NCBP3: variants seen among roughly 807,000 people sequenced by gnomAD.
The protein encoded by NCBP3 is nuclear cap-binding protein subunit 3.
A neutral mutation model predicts 75.7 loss-of-function variants in NCBP3; 20 were observed. The observed-to-expected ratio is 0.26, with a 90% CI of 0.19 to 0.38. The LOEUF is 0.38. NCBP3 is among the 10% of genes least tolerant of loss of function. The pLI is 1.00. For missense variants in NCBP3, 678 were observed against 796.9 expected, an observed-to-expected ratio of 0.85 and a Z score of 1.80; for synonymous variants, 293 against 290.5, an observed-to-expected ratio of 1.01 and a Z score of -0.09.
chr17:3,821,023 G>A (rs1348513317), intron 9 of NCBP3, among the ~76,000 whole-genome samples: 1 of 151,930 alleles, frequency 6.6e-6, no homozygotes, highest in Admixed American at 6.6e-5. Context: ...TTTTTCCTAT[G>A]TCATATTTTG....
chr17:3,836,789 T>C (rs556562876), intron 3 of NCBP3, among the ~76,000 whole-genome samples: 14 of 152,172 alleles, frequency 9.2e-5, no homozygotes, highest in Admixed American at 6.6e-4. Flanking sequence ...TCCAGGTAAC[T>C]AGGCTTCAGA....
chr17:3,807,311 T>G lies in NCBP3; in HGVS notation c.*5733A>C, dbSNP rs557652266. 1 of 152,238 alleles carries G rather than the reference T, an allele frequency of 6.6e-6. No individual in the cohort carries two copies. The highest frequency in any genetic ancestry group is 2.4e-5 in the African/African-American group (1 of 41,472). 9.4% of individuals were successfully genotyped at this position (152,238 alleles called of 1,614,324 possible). ...AAAATATTTTGGACCATCTGCATGA[T>G]TCCCTAGCAAATGCTTTAGAGAGCT... On this transcript the variant is annotated 3_prime_UTR_variant, in exon 13 of 13. Coordinates refer to ENST00000389005, the MANE Select transcript of NCBP3 (RefSeq NM_001114118.3).
chr17:3,840,004 T>A, intron 3 of NCBP3, 96 bp downstream of exon 3: 1 of 874,036 alleles, frequency 1.1e-6, no homozygotes, highest in South Asian at 1.5e-5. Flanking sequence ...GGATAAGGAG[T>A]GGACACGCAA....
rs143121473 is a variant in NCBP3 at position 3,840,461 on chromosome 17, G to C, written c.250-256C>G. ...GCCTGGGACATAGTAGGAACTCAGTGAGTATCTGCTGACTGAATGAATAGT... is the reference window on the plus strand; with the variant it reads ...GCCTGGGACATAGTAGGAACTCAGTCAGTATCTGCTGACTGAATGAATAGT... On this transcript the variant is annotated intron_variant, in intron 2 of 12. Coordinates refer to ENST00000389005, the MANE Select transcript of NCBP3 (RefSeq NM_001114118.3). Among the ~76,000 whole-genome samples, 124 of 152,328 alleles carry C rather than the reference G, an allele frequency of 8.1e-4. 1 individual carries two copies. The highest frequency in any genetic ancestry group is 2.6e-3 in the African/African-American group (108 of 41,566).
intron 10 of NCBP3, among the ~76,000 whole-genome samples, chr17:3,817,703 T>C (rs949000212): frequency 1.3e-5 from 2 of 152,164 alleles, no homozygotes; most frequent in South Asian, 2.1e-4. Flanking sequence ...TTTAAACACA[T>C]ATTGTTTTGT....
intron 3 of NCBP3, among the ~76,000 whole-genome samples, chr17:3,830,654 C>G (rs954826176): frequency 6.6e-6 from 1 of 152,210 alleles, no homozygotes; most frequent in Non-Finnish European, 1.5e-5. Context: ...GTGGCACGAT[C>G]TCGGCTCACT....
Position 3,818,501 on chromosome 17 carries a change from C to T in NCBP3, c.1072G>A (p.Glu358Lys), listed in dbSNP as rs775155186. 7.1e-5 allele frequency: 114 copies of T among 1,612,362 alleles called. No individual in the cohort carries two copies. Among genetic ancestry groups the T allele is most frequent in the Admixed American group, 1.2e-4 (7 of 59,942 alleles). Residue 358 changes from glutamate (E) to lysine (K), a missense_variant, in exon 10 of 13, where the codon GAA (glutamate) becomes AAA (lysine). By Grantham distance (56) the Glu-to-Lys change is moderately conservative (BLOSUM62 1). Transcript: ENST00000389005. This position sits in a 1 kb window ranked among gnomAD's most constrained non-coding sequence, Gnocchi z 4.7. ...TCTGCATCCATGTCCTGGTCTTCTT[C>T]TTCCTCTTCCTCTTCCTCCTCCTCC... ...EEEEEEEEEE[E>K]EDQDMDADDR...
chr17:3,846,077 G>C lies in NCBP3; in HGVS notation c.147C>G (p.Ile49Met), dbSNP rs530526692. Residue 49 changes from isoleucine (I) to methionine (M), a missense_variant, in exon 1 of 13, where the codon ATC becomes ATG. Transcript: ENST00000389005. This position sits in a 1 kb window ranked among gnomAD's most constrained non-coding sequence, Gnocchi z 4.6. ...PMEVEEGELE[I>M]VPVRRSLKEL... ...CCTTGAGCGAGCGCCGCACAGGCAC[G>C]ATTTCCAGCTCGCCCTCCTCCACCT... The C allele has an allele frequency of 3.3e-4, 504 of 1,549,154 alleles. 8 individuals carry two copies. In the South Asian group the frequency reaches 5.2e-3, roughly 16 times the overall value.
At chr17:3,823,341 C>T (rs897859633) in intron 7 of NCBP3, among the ~76,000 whole-genome samples, 4 of 152,066 alleles carry the variant, frequency 2.6e-5, no homozygotes, top group Non-Finnish European at 5.9e-5. Context: ...AACACTCCGT[C>T]TCAAAACAAA....
At position 3,812,965 on chromosome 17, in the gene NCBP3, C is replaced by CG; in HGVS notation, c.*78dup. ...AGGAGCGAGAGGGCGCCAGCTCCTG[C>CG]GGGGGAGGTTCCTACTGCGCGCCCC... On this transcript the variant is annotated 3_prime_UTR_variant, in exon 13 of 13. Coordinates refer to ENST00000389005, the MANE Select transcript of NCBP3 (RefSeq NM_001114118.3). The CG allele has an allele frequency of 6.3e-7, 1 of 1,579,972 alleles. No individual in the cohort carries two copies. Among genetic ancestry groups the CG allele is most frequent in the East Asian group, 2.2e-5 (1 of 44,510 alleles).
intron 10 of NCBP3, among the ~76,000 whole-genome samples, chr17:3,816,959 G>A (rs967635936): frequency 8.5e-5 from 13 of 152,050 alleles, no homozygotes; most frequent in Non-Finnish European, 1.2e-4. Context: ...CCCAGAAGGC[G>A]GAGCTTGCAG....
At chr17:3,814,734 T>C (rs1359969956) in intron 11 of NCBP3, among the ~76,000 whole-genome samples, 1 of 152,156 alleles carries the variant, frequency 6.6e-6, no homozygotes, top group Non-Finnish European at 1.5e-5. Flanking sequence ...ACAACCTTTT[T>C]TTTTTTTTCT....
intron 6 of NCBP3, 139 bp downstream of exon 6, chr17:3,825,628 C>T: frequency 1.6e-6 from 1 of 620,330 alleles, no homozygotes; most frequent in South Asian, 2.0e-5. Flanking sequence ...ACTTAAAGGA[C>T]AAGAGCCTGG....
At chr17:3,833,231 C>A (rs1002082878) in intron 3 of NCBP3, among the ~76,000 whole-genome samples, 6 of 152,124 alleles carry the variant, frequency 3.9e-5, no homozygotes, top group African/African-American at 1.4e-4. Flanking sequence ...CCAGCCTGGG[C>A]AACAGAGTAA....
At chr17:3,822,276 G>A (rs933340560) in intron 7 of NCBP3, 13 of 418,122 alleles carry the variant, frequency 3.1e-5, no homozygotes, top group Admixed American at 3.0e-4. Flanking sequence ...ACTGCTGTTT[G>A]GAGCCAGATG....
At position 3,832,372 on chromosome 17, in the gene NCBP3, G is replaced by A. The variant is rs1334002403; in HGVS notation, c.356-3004C>T. On this transcript the variant is annotated intron_variant, in intron 3 of 12. Coordinates refer to ENST00000389005, the MANE Select transcript of NCBP3 (RefSeq NM_001114118.3). ...TTAATGGGCAGGCGCGGTGGCTCAC[G>A]CCTGTAATCCCAGCACTTTGGGAGG... Among the ~76,000 whole-genome samples the A allele has an allele frequency of 8.4e-5, 10 of 119,152 alleles. 1 individual carries two copies. The highest frequency in any genetic ancestry group is 6.1e-4 in the South Asian group (2 of 3,300). The allele number at this position is 119,152 out of a possible 152,430, so 78.2% of individuals were successfully genotyped here. A position where few individuals can be genotyped will look rare whatever the true frequency, so the allele number is the denominator to read the frequency against.
At chr17:3,831,099 C>T (rs570628290) in intron 3 of NCBP3, among the ~76,000 whole-genome samples, 41 of 149,808 alleles carry the variant, frequency 2.7e-4, no homozygotes, top group Non-Finnish European at 4.6e-4. Context: ...TTAGTAGAGA[C>T]GACGTTTCTC....
chr17:3,840,230 G>A (rs1342642065), intron 2 of NCBP3, 25 bp from the exon 3 acceptor site: 1 of 1,539,188 alleles, frequency 6.5e-7, no homozygotes, highest in Admixed American at 2.0e-5. Context: ...AAAAGTGAAA[G>A]TAGTAAAATA....
Position 3,810,384 on chromosome 17 carries a change from GGA to G in NCBP3, c.*2658_*2659del, listed in dbSNP as rs377765741. On this transcript the variant is annotated 3_prime_UTR_variant, in exon 13 of 13. Coordinates refer to ENST00000389005, the MANE Select transcript of NCBP3 (RefSeq NM_001114118.3). ...TGGGTACCTGGTAACTCTCCAGAGA[GGA>G]GAGTGGGAAACAAATGAGGTATCTG... 2.6e-4 allele frequency: 39 copies of G among 152,326 alleles called. 1 individual carries two copies. Among genetic ancestry groups the G allele is most frequent in the African/African-American group, 9.4e-4 (39 of 41,558 alleles). 9.4% of individuals were successfully genotyped at this position (152,326 alleles called of 1,614,324 possible). A position where few individuals can be genotyped will look rare whatever the true frequency, so the allele number is the denominator to read the frequency against.
Sources: gnomAD v4.1 joint callset for allele counts (sites outside exome capture counted in the v4.1 genomes callset) on GRCh38, gnomAD v4.1.1 for gene constraint, Gnocchi (gnomAD v3.1) non-coding constraint, MANE v1.5 for transcripts, NCBI Gene and HGNC (gene_info 2026-07-23, HGNC 2026-07-21) for gene names.